The following TIA1 variants were observed in gnomAD, a reference collection of about 807,000 sequenced individuals.
TIA1 encodes TIA1 cytotoxic granule associated RNA binding protein, also known as cytotoxic granule associated RNA binding protein TIA1.
TIA1 carries 23 observed loss-of-function variants against 65.9 expected under a neutral mutation model. That is an observed-to-expected ratio of 0.35 (90% CI 0.25 to 0.49). The LOEUF (loss-of-function observed/expected upper bound fraction) is 0.49. Ranked by LOEUF, TIA1 falls within the 20% of genes least tolerant of loss-of-function variation. TIA1 has a pLI of 0.98. For missense variants in TIA1, 371 were observed against 477.9 expected, an observed-to-expected ratio of 0.78 and a Z score of 2.09; for synonymous variants, 147 against 149.4, an observed-to-expected ratio of 0.98 and a Z score of 0.12.
chr2:70,221,351 T>A (rs1029708467), intron 7 of TIA1, among the ~76,000 whole-genome samples: 4 of 151,684 alleles, frequency 2.6e-5, no homozygotes, highest in Non-Finnish European at 5.9e-5. Flanking sequence ...ACACCTGTGG[T>A]CCCAGCTACT....
chr2:70,219,395 G>A (rs973890812), intron 7 of TIA1, among the ~76,000 whole-genome samples: 4 of 152,114 alleles, frequency 2.6e-5, no homozygotes, highest in African/African-American at 9.7e-5. Flanking sequence ...TAAATGGAGT[G>A]TAACTTTTGT....
At chr2:70,246,742 C>T (rs1432806887) in intron 1 of TIA1, among the ~76,000 whole-genome samples, 1 of 151,862 alleles carries the variant, frequency 6.6e-6, no homozygotes, top group African/African-American at 2.4e-5. Context: ...AAAAATTAGC[C>T]GGGCATGGTG....
At chr2:70,248,777 C>G (rs1042731299), upstream of TIA1, 1 of 387,444 alleles carries the variant, frequency 2.6e-6, no homozygotes, top group East Asian at 4.2e-5. Flanking sequence ...ACGCGAGGGA[C>G]GCCTCAGACT....
At position 70,210,061 on chromosome 2, in the gene TIA1, T is replaced by G. The variant is rs1676097302; in HGVS notation, c.*2658A>C. On this transcript the variant is annotated 3_prime_UTR_variant, in exon 13 of 13. Coordinates refer to ENST00000433529, the MANE Select transcript of TIA1 (RefSeq NM_022173.4). ...AAATCTGCAGAATGCCAATTCCATT[T>G]GGTGTTAAACAGTAACCCAATATAA... 4.5e-6 allele frequency: 1 copy of G among 224,296 alleles called. No homozygotes were observed. The highest frequency in any genetic ancestry group is 8.6e-6 in the Non-Finnish European group (1 of 116,338). The allele number at this position is 224,296 out of a possible 1,614,324, so 13.9% of individuals were successfully genotyped here. A position where few individuals can be genotyped will look rare whatever the true frequency, so the allele number is the denominator to read the frequency against.
intron 2 of TIA1, among the ~76,000 whole-genome samples, chr2:70,235,572 ATG>A (rs1030295757): frequency 1.2e-5 from 1 of 82,134 alleles, no homozygotes; most frequent in African/African-American, 5.4e-5. Context: ...GTGTGTGTGT[ATG>A]TGTGTGTGTT....
chr2:70,213,481 A>AT (rs1224736510), intron 12 of TIA1, among the ~76,000 whole-genome samples: 1 of 150,308 alleles, frequency 6.7e-6, no homozygotes, highest in Non-Finnish European at 1.5e-5. Flanking sequence ...AACATCTGGG[A>AT]TTATAGGCAC....
chr2:70,244,989 T>C (rs1693643399), intron 1 of TIA1, among the ~76,000 whole-genome samples: 1 of 151,948 alleles, frequency 6.6e-6, no homozygotes, highest in South Asian at 2.1e-4. Context: ...CCCTCATTAG[T>C]ATATAGCAAT....
chr2:70,221,798 ATT>A (rs59035343), intron 7 of TIA1, among the ~76,000 whole-genome samples: 1 of 149,398 alleles, frequency 6.7e-6, no homozygotes, highest in Non-Finnish European at 1.5e-5. Flanking sequence ...TAAAAAAAAA[ATT>A]TTTTTTTTTG....
Position 70,219,050 on chromosome 2 carries a change from T to C in TIA1, c.475-2056A>G, listed in dbSNP as rs571194857. Among the ~76,000 whole-genome samples the C allele has an allele frequency of 4.6e-5, 7 of 152,284 alleles. No individual in the cohort carries two copies. The South Asian group carries it at 1.5e-3, about 32-fold the overall frequency. ...TCTGAGGAAGAAACAAAAAGCTCCA[T>C]TAAGAAAAAACTTTGAGATGCCTGT... is the stretch of plus-strand genomic sequence containing the variant. On this transcript the variant is annotated intron_variant, in intron 7 of 12. Coordinates refer to ENST00000433529, the MANE Select transcript of TIA1 (RefSeq NM_022173.4).
chr2:70,229,320 TAAAAA>T lies in TIA1; in HGVS notation c.223-7_223-3del. On this transcript the variant is annotated splice_polypyrimidine_tract_variant and splice_region_variant and intron_variant, in intron 3 of 12. Coordinates refer to ENST00000433529, the MANE Select transcript of TIA1 (RefSeq NM_022173.4). ...TGTTGCCCAATTCACTTTGACTTCC[TAAAAA>T]AAAAAAATTTCTACATTTATACTTC... is the stretch of plus-strand genomic sequence containing the variant. 1 of 1,225,566 alleles carries T rather than the reference TAAAAA, an allele frequency of 8.2e-7. No homozygotes were observed. The highest frequency in any genetic ancestry group is 1.1e-6 in the Non-Finnish European group (1 of 893,038). 75.9% of individuals were successfully genotyped at this position (1,225,566 alleles called of 1,614,324 possible).
intron 8 of TIA1, 168 bp downstream of exon 8, chr2:70,216,718 T>G: frequency 6.7e-7 from 1 of 1,502,482 alleles, no homozygotes; most frequent in Non-Finnish European, 8.9e-7. Context: ...TTAGAAATAA[T>G]ATTATTTATA....
chr2:70,227,778 T>C lies in TIA1; in HGVS notation c.355A>G (p.Thr119Ala). 6.3e-7 allele frequency: 1 copy of C among 1,597,614 alleles called. No homozygotes were observed. The highest frequency in any genetic ancestry group is 8.5e-7 in the Non-Finnish European group (1 of 1,169,784). The change falls in exon 6 of 13, where the codon ACT (threonine) becomes GCT (alanine). Residue 119 changes from threonine (T) to alanine (A), a missense_variant. Transcript: ENST00000433529. ...GCAAAAGCAGCTTTTATATCTTCAG[T>C]TGTAATTTCTGGGCTGAGATCACCA... ...FVGDLSPEIT[T>A]EDIKAAFAPF... is the part of the protein sequence containing the mutation.
rs767803246 is a variant in TIA1, at chr2:70,218,273, A to G, written c.475-1279T>C. On this transcript the variant is annotated intron_variant, in intron 7 of 12. Transcript: ENST00000433529. ...TGAGGAAGAAAGCCCCAGTAGAGAGAAAAGTATTGCAAAGTGTGTTAAGGC... is the reference window on the plus strand; with the variant it reads ...TGAGGAAGAAAGCCCCAGTAGAGAGGAAAGTATTGCAAAGTGTGTTAAGGC... Among the ~76,000 whole-genome samples, 7 of 152,232 alleles carry G rather than the reference A, an allele frequency of 4.6e-5. No individual in the cohort carries two copies. In the South Asian group the frequency reaches 1.4e-3, roughly 32 times the overall value.
chr2:70,212,417 A>G lies in TIA1; in HGVS notation c.*302T>C, dbSNP rs1418578540. On this transcript the variant is annotated 3_prime_UTR_variant, in exon 13 of 13. Transcript: ENST00000433529. Reference sequence around the variant, plus strand: ...AGTGGAAAAAAGTTCAATATTGTGCAATTTTCTGCCTCTTAATAGTTAAAA... The same window carrying G: ...AGTGGAAAAAAGTTCAATATTGTGCGATTTTCTGCCTCTTAATAGTTAAAA... 1 of 248,888 alleles carries G rather than the reference A, an allele frequency of 4.0e-6. No homozygotes were observed. Among genetic ancestry groups the G allele is most frequent in the Non-Finnish European group, 8.1e-6 (1 of 123,418 alleles). The allele number at this position is 248,888 out of a possible 1,614,324, so 15.4% of individuals were successfully genotyped here.
At chr2:70,248,660 T>C (rs1450517711), upstream of TIA1, 9 of 601,158 alleles carry the variant, frequency 1.5e-5, no homozygotes, top group South Asian at 1.4e-4. Flanking sequence ...CCAGCAAAGT[T>C]ACCCGGGCCG....
Position 70,243,639 on chromosome 2 carries a change from G to C in TIA1, c.26+4766C>G, listed in dbSNP as rs144975155. Among the ~76,000 whole-genome samples the C allele has an allele frequency of 2.0e-5, 3 of 152,252 alleles. No homozygotes were observed. The East Asian group carries it at 5.8e-4, about 29-fold the overall frequency. On this transcript the variant is annotated intron_variant, in intron 1 of 12. Transcript: ENST00000433529. The stretch of plus-strand genomic sequence containing the variant: ...AAATGTATTCAATACTATGCCTGTA[G>C]ACATCTTAAGGGATATCGATCCTCA...
chr2:70,241,955 G>C (rs1356580896), intron 1 of TIA1, among the ~76,000 whole-genome samples: 2 of 151,820 alleles, frequency 1.3e-5, no homozygotes, highest in African/African-American at 4.8e-5. Flanking sequence ...ACAGAATGAA[G>C]GAGAATAAAG....
At position 70,236,141 on chromosome 2, in the gene TIA1, C is replaced by T. The variant is rs1268641356; in HGVS notation, c.61G>A (p.Ala21Thr). The T allele has an allele frequency of 6.2e-7, 1 of 1,612,310 alleles. No homozygotes were observed. The highest frequency in any genetic ancestry group is 1.7e-5 in the Admixed American group (1 of 59,830). The change falls in exon 2 of 13, where the codon GCT becomes ACT. Residue 21 changes from alanine to threonine, a missense_variant. Coordinates refer to ENST00000433529, the MANE Select transcript of TIA1 (RefSeq NM_022173.4). ...VGNLSRDVTEALILQLFSQIG... is the reference protein window; with the variant it reads ...VGNLSRDVTETLILQLFSQIG... ...TGGCTAAAGAGTTGCAGAATTAGAG[C>T]TTCTGTCACATCTCTGGAAAGGTTA...
chr2:70,227,247 A>C (rs915604145), intron 6 of TIA1, among the ~76,000 whole-genome samples: 9 of 152,204 alleles, frequency 5.9e-5, no homozygotes, highest in Non-Finnish European at 7.4e-5. Flanking sequence ...AATATTATTA[A>C]GGCACTATTA....
Sources: gnomAD v4.1 joint callset for allele counts (sites outside exome capture counted in the v4.1 genomes callset) on GRCh38, gnomAD v4.1.1 for gene constraint, MANE v1.5 for transcripts, NCBI Gene and HGNC (gene_info 2026-07-23, HGNC 2026-07-21) for gene names.